Variants in USP2 observed in about 807,000 individuals in gnomAD.
The protein encoded by USP2 is ubiquitin carboxyl-terminal hydrolase 2.
Under a neutral mutation model 72.0 loss-of-function variants are expected in USP2, and 33 were observed. The observed-to-expected ratio is 0.46, with a 90% CI of 0.35 to 0.61. USP2 has a LOEUF of 0.61. Among genes scored for constraint, USP2 ranks in the 20% least tolerant of loss-of-function variants. USP2 has a pLI of 0.01. For synonymous variants in USP2, 296 were observed against 312.5 expected (o/e 0.95, Z 0.56); for missense variants, 691 against 797.8 (o/e 0.87, Z 1.61).
At chr11:119,361,026 A>G (rs946907560) in intron 2 of USP2, among the ~76,000 whole-genome samples, 1 of 152,230 alleles carries the variant, frequency 6.6e-6, no homozygotes, top group Non-Finnish European at 1.5e-5. Context: ...AAACACCTTG[A>G]GTTTCGATCT....
chr11:119,364,228 C>T (rs1477026767), intron 2 of USP2: 2 of 1,091,652 alleles, frequency 1.8e-6, no homozygotes, highest in Non-Finnish European at 2.2e-6. Flanking sequence ...GCCGGCGCCT[C>T]GGGCCCCGCG....
intron 2 of USP2, among the ~76,000 whole-genome samples, chr11:119,362,635 C>T (rs904458136): frequency 1.3e-5 from 2 of 152,092 alleles, no homozygotes; most frequent in African/African-American, 2.4e-5. Flanking sequence ...CAGAGGGGAA[C>T]AAAATGTCCC....
chr11:119,371,738 A>G (rs2135405462), intron 2 of USP2, among the ~76,000 whole-genome samples: 1 of 152,286 alleles, frequency 6.6e-6, no homozygotes, highest in South Asian at 2.1e-4. Flanking sequence ...TGGAGGAGAC[A>G]CAGCATCCAG....
At chr11:119,374,733 G>A (rs1478329244) in intron 1 of USP2, among the ~76,000 whole-genome samples, 2 of 152,102 alleles carry the variant, frequency 1.3e-5, no homozygotes, top group Admixed American at 6.5e-5. Flanking sequence ...GCCTTTCCCC[G>A]AGGGCATCAG....
Position 119,373,379 on chromosome 11 carries a change from G to C in USP2, c.102C>G (p.Ser34=). The change falls in exon 2 of 13, where the codon TCC becomes TCG. Residue 34 remains serine (S), a synonymous_variant. Transcript: ENST00000260187. ...KSGYGAYTPS[S]YGANLAASLL... is the part of the protein sequence containing the mutation. Reference sequence around the variant, plus strand: ...AGGAGGCAGCCAGATTGGCCCCATAGGAGGACGGGGTGTAGGCACCATAGC... The same window carrying C: ...AGGAGGCAGCCAGATTGGCCCCATACGAGGACGGGGTGTAGGCACCATAGC... The C allele has an allele frequency of 6.2e-7, 1 of 1,611,326 alleles. No homozygotes were observed. Among genetic ancestry groups the C allele is most frequent in the Non-Finnish European group, 8.5e-7 (1 of 1,179,984 alleles).
chr11:119,371,323 C>T (rs981548066), intron 2 of USP2, among the ~76,000 whole-genome samples: 1 of 152,108 alleles, frequency 6.6e-6, no homozygotes, highest in Non-Finnish European at 1.5e-5. Context: ...CAGCACCAGC[C>T]GAGTCCAAGT....
At chr11:119,369,697 C>T (rs1371531701) in intron 2 of USP2, among the ~76,000 whole-genome samples, 3 of 152,054 alleles carry the variant, frequency 2.0e-5, no homozygotes, top group Non-Finnish European at 2.9e-5. Context: ...GTGGGCAGGG[C>T]GGGCGTGATT....
chr11:119,356,946 C>G lies in USP2; in HGVS notation c.1731-24G>C, dbSNP rs374264296. 311 of 1,550,290 alleles carry G rather than the reference C, an allele frequency of 2.0e-4. No individual in the cohort carries two copies. The African/African-American group carries it at 3.9e-3, about 19-fold the overall frequency. On this transcript the variant is annotated intron_variant, in intron 12 of 12. Transcript: ENST00000260187. ...CGCTGCGGAGAGAGCGGGGAGTCAG[C>G]CCGGAGCGGGCAGGACCGGGAGACC...
intron 2 of USP2, among the ~76,000 whole-genome samples, chr11:119,369,197 G>T (rs1228834685): frequency 6.6e-6 from 1 of 152,158 alleles, no homozygotes; most frequent in African/African-American, 2.4e-5. Context: ...TTATACAAGT[G>T]CTGAGCTGCG....
At chr11:119,365,054 TTC>T (rs1476914512) in intron 2 of USP2, among the ~76,000 whole-genome samples, 1 of 152,168 alleles carries the variant, frequency 6.6e-6, no homozygotes, top group Non-Finnish European at 1.5e-5. Context: ...TAGATTTCGT[TTC>T]TGATGCCCCA....
chr11:119,363,800 C>A, intron 2 of USP2: 2 of 1,342,810 alleles, frequency 1.5e-6, no homozygotes, highest in Non-Finnish European at 1.9e-6. Flanking sequence ...AGGGAGAAGG[C>A]GGGACCCCAG....
In USP2 at chr11:119,372,906, G is replaced by A; in HGVS notation, c.575C>T (p.Pro192Leu). 5.0e-6 allele frequency: 8 copies of A among 1,611,788 alleles called. No homozygotes were observed. The highest frequency in any genetic ancestry group is 6.8e-6 in the Non-Finnish European group (8 of 1,179,278). ...CTCCAGGTAGTCGACCAGGTATTCA[G>A]GGCAGCTGGCTGTCTGGTAGAGCCC... Reference protein sequence around the residue: ...LQGLYQTASCPEYLVDYLENY... With the variant: ...LQGLYQTASCLEYLVDYLENY... The change falls in exon 2 of 13, where the codon CCT becomes CTT. Residue 192 changes from proline to leucine, a missense_variant. Coordinates refer to ENST00000260187, the MANE Select transcript of USP2 (RefSeq NM_004205.5).
At position 119,356,761 on chromosome 11, in the gene USP2, T is replaced by C; in HGVS notation, c.*74A>G. On this transcript the variant is annotated 3_prime_UTR_variant, in exon 13 of 13. Coordinates refer to ENST00000260187, the MANE Select transcript of USP2 (RefSeq NM_004205.5). ...AGGTTTGTGTGTTGTTGTTGTTGTT[T>C]TGTTTTTGTCTTTTTAAAAAATTTA... 7.3e-7 allele frequency: 1 copy of C among 1,378,054 alleles called. No individual in the cohort carries two copies. Among genetic ancestry groups the C allele is most frequent in the East Asian group, 2.5e-5 (1 of 39,852 alleles). The allele number at this position is 1,378,054 out of a possible 1,614,324, so 85.4% of individuals were successfully genotyped here.
chr11:119,372,941 G>A lies in USP2; in HGVS notation c.540C>T (p.Cys180=), dbSNP rs1210761391. ...PMLARTRKEL[C]TLQGLYQTAS... The stretch of plus-strand genomic sequence containing the variant: ...CTGTCTGGTAGAGCCCCTGCAGGGT[G>A]CAGAGCTCCTTGCGCGTCCGGGCCA... The change falls in exon 2 of 13, where the codon TGC becomes TGT. Residue 180 remains cysteine, a synonymous_variant. Transcript: ENST00000260187. The A allele has an allele frequency of 6.2e-7, 1 of 1,613,674 alleles. No individual in the cohort carries two copies. The highest frequency in any genetic ancestry group is 1.1e-5 in the South Asian group (1 of 91,084).
At chr11:119,374,464 G>A (rs1950974761) in intron 1 of USP2, among the ~76,000 whole-genome samples, 2 of 152,256 alleles carry the variant, frequency 1.3e-5, no homozygotes, top group Non-Finnish European at 2.9e-5. Flanking sequence ...GAGAGCCCCA[G>A]AGGATCATGA....
intron 2 of USP2, among the ~76,000 whole-genome samples, chr11:119,361,449 G>C (rs553441354): frequency 6.6e-6 from 1 of 152,264 alleles, no homozygotes; most frequent in South Asian, 2.1e-4. Context: ...TCAGGGAGGG[G>C]ACTGGGAGCA....
chr11:119,372,570 G>T, intron 2 of USP2, 137 bp downstream of exon 2: 1 of 930,056 alleles, frequency 1.1e-6, no homozygotes, highest in Non-Finnish European at 1.5e-6. Context: ...GATGTGCCAG[G>T]ATGACTTCTC....
intron 1 of USP2, chr11:119,378,872 G>A: frequency 1.9e-6 from 1 of 533,690 alleles, no homozygotes; most frequent in Non-Finnish European, 2.4e-6. Context: ...AGCCTCCGGA[G>A]GAGCCTTTGG....
chr11:119,364,346 C>G (rs1458208552), intron 2 of USP2: 1 of 252,828 alleles, frequency 4.0e-6, no homozygotes, highest in Non-Finnish European at 6.2e-6. Flanking sequence ...GTCGGTCCTC[C>G]CCCGCCGGGC....
Sources: gnomAD v4.1 joint callset for allele counts (sites outside exome capture counted in the v4.1 genomes callset) on GRCh38, gnomAD v4.1.1 for gene constraint, MANE v1.5 for transcripts, NCBI Gene and HGNC (gene_info 2026-07-23, HGNC 2026-07-21) for gene names.